Variants in CSMD1 observed in about 807,000 individuals in gnomAD.
CSMD1 encodes the protein CUB and Sushi multiple domains 1.
CSMD1 carries 213 observed loss-of-function variants against 417.5 expected under a neutral mutation model. The ratio of observed to expected loss-of-function variants is 0.51; its 90% CI spans 0.46 to 0.57. CSMD1 has a LOEUF of 0.57. Among genes scored for constraint, CSMD1 ranks in the 20% least tolerant of loss-of-function variants. CSMD1 has a pLI of 0.00. For synonymous variants in CSMD1, 2,862 were observed against 1,736.8 expected (o/e 1.65, Z -16.11); for missense variants, 6,923 against 4,529.7 (o/e 1.53, Z -15.17).
intron 5 of CSMD1, among the ~76,000 whole-genome samples, chr8:3,806,141 A>C (rs1800727037): frequency 6.6e-6 from 1 of 152,176 alleles, no homozygotes; most frequent in Non-Finnish European, 1.5e-5. Context: ...AAAACAGCAC[A>C]GTTCTGCCTG....
At chr8:3,847,833 G>A (rs1277026321) in intron 5 of CSMD1, among the ~76,000 whole-genome samples, 1 of 152,176 alleles carries the variant, frequency 6.6e-6, no homozygotes, top group Non-Finnish European at 1.5e-5. Flanking sequence ...CATCTTGACT[G>A]ATTTAGATGT....
intron 10 of CSMD1, among the ~76,000 whole-genome samples, chr8:3,546,493 G>T (rs1309411834): frequency 6.6e-6 from 1 of 151,148 alleles, no homozygotes; most frequent in Non-Finnish European, 1.5e-5. Flanking sequence ...TCAAGATCCT[G>T]CCACCGCACT....
intron 11 of CSMD1, among the ~76,000 whole-genome samples, chr8:3,485,245 A>C (rs935196575): frequency 6.6e-6 from 1 of 152,222 alleles, no homozygotes; most frequent in African/African-American, 2.4e-5. Flanking sequence ...AAACGATTGC[A>C]GTACACAAAG....
At chr8:3,233,075 A>G (rs1798936057) in intron 26 of CSMD1, among the ~76,000 whole-genome samples, 1 of 143,296 alleles carries the variant, frequency 7.0e-6, no homozygotes, top group African/African-American at 2.5e-5. Context: ...TTGTTTGCTT[A>G]TTATGTTTTC....
At chr8:4,196,776 T>C (rs1799364335) in intron 3 of CSMD1, among the ~76,000 whole-genome samples, 1 of 152,144 alleles carries the variant, frequency 6.6e-6, no homozygotes, top group African/African-American at 2.4e-5. Flanking sequence ...AACCCCTTTT[T>C]CCCATAAAGC....
At chr8:4,779,498 G>C (rs1797039196) in intron 1 of CSMD1, among the ~76,000 whole-genome samples, 1 of 152,014 alleles carries the variant, frequency 6.6e-6, no homozygotes. Context: ...CCTATGCAGA[G>C]TCCTAAACCC....
chr8:4,915,906 G>C (rs77215543), intron 1 of CSMD1, among the ~76,000 whole-genome samples: 3,869 of 152,288 alleles, frequency 0.025, 163 homozygotes, highest in African/African-American at 0.089. Context: ...GGCAGGAGTG[G>C]CTCTTCATGG....
rs140171114 is a variant in CSMD1 at position 4,293,124 on chromosome 8, C to T, written c.415+126829G>A. ...AGCAGGAGGGGGCTACCAGCATCGC[C>T]CTCTCAGTTTTGTCCCGCACCTGCC... On this transcript the variant is annotated intron_variant, in intron 3 of 69. Transcript: ENST00000635120. Among the ~76,000 whole-genome samples, 377 of 152,226 alleles carry T rather than the reference C, an allele frequency of 2.5e-3. 1 individual carries two copies. Among genetic ancestry groups the T allele is most frequent in the African/African-American group, 8.7e-3 (363 of 41,540 alleles).
intron 41 of CSMD1, among the ~76,000 whole-genome samples, chr8:3,140,136 T>G (rs1818346953): frequency 6.6e-6 from 1 of 152,304 alleles, no homozygotes; most frequent in South Asian, 2.1e-4. Flanking sequence ...ACTCCTGACC[T>G]CAGGTGATCA....
At chr8:3,199,308 TATA>T (rs1419421636) in intron 33 of CSMD1, among the ~76,000 whole-genome samples, 1 of 152,206 alleles carries the variant, frequency 6.6e-6, no homozygotes, top group Non-Finnish European at 1.5e-5. Flanking sequence ...GCTTAGTTTT[TATA>T]ATAAAATGTG....
At chr8:3,722,737 G>C (rs113806484) in intron 6 of CSMD1, among the ~76,000 whole-genome samples, 1,863 of 152,260 alleles carry the variant, frequency 0.012, 40 homozygotes, top group African/African-American at 0.039. Context: ...CTTGTCGTTA[G>C]GTTTTCTAAT....
chr8:3,983,095 C>G (rs2449818), intron 5 of CSMD1, among the ~76,000 whole-genome samples: 73,901 of 150,300 alleles, frequency 0.49, 18,379 homozygotes, highest in Admixed American at 0.54. Flanking sequence ...TGATGTAAAA[C>G]GCCTCAGACA....
chr8:3,176,592 A>G (rs764863522), intron 37 of CSMD1, among the ~76,000 whole-genome samples: 1 of 152,184 alleles, frequency 6.6e-6, no homozygotes, highest in Non-Finnish European at 1.5e-5. Context: ...AAACCCCGTG[A>G]ACTAGAACAA....
chr8:4,385,171 C>A (rs369117906), intron 3 of CSMD1, among the ~76,000 whole-genome samples: 560 of 5,838 alleles, frequency 0.096, 3 homozygotes, highest in African/African-American at 0.42. Context: ...AGGTGATCCT[C>A]CCCGTCTCGG....
At chr8:4,743,745 T>A (rs1810773393) in intron 1 of CSMD1, among the ~76,000 whole-genome samples, 1 of 152,214 alleles carries the variant, frequency 6.6e-6, no homozygotes, top group Non-Finnish European at 1.5e-5. Flanking sequence ...CTATAAATTT[T>A]AGGTACAGAC....
intron 6 of CSMD1, among the ~76,000 whole-genome samples, chr8:3,711,675 C>G (rs75015496): frequency 0.062 from 9,461 of 152,244 alleles, 396 homozygotes; most frequent in Non-Finnish European, 0.099. Context: ...TGCGGTTCTC[C>G]TGGTGGCACA....
chr8:4,250,566 T>C (rs937274451), intron 3 of CSMD1, among the ~76,000 whole-genome samples: 6 of 152,122 alleles, frequency 3.9e-5, no homozygotes, highest in Non-Finnish European at 7.4e-5. Flanking sequence ...GGAAAGCTAA[T>C]TTTCTTTTAA....
chr8:3,635,046 G>C (rs1170536717), intron 7 of CSMD1, among the ~76,000 whole-genome samples: 2 of 149,324 alleles, frequency 1.3e-5, no homozygotes, highest in East Asian at 4.0e-4. Context: ...ACTGTTTAAT[G>C]ATAAAAAAAA....
intron 8 of CSMD1, among the ~76,000 whole-genome samples, chr8:3,615,759 T>C (rs1052084780): frequency 6.6e-6 from 1 of 152,196 alleles, no homozygotes; most frequent in Non-Finnish European, 1.5e-5. Context: ...AACCTTTTTT[T>C]GGATTTTTTT....
Sources: gnomAD v4.1 joint callset for allele counts (sites outside exome capture counted in the v4.1 genomes callset) on GRCh38, gnomAD v4.1.1 for gene constraint, MANE v1.5 for transcripts, NCBI Gene and HGNC (gene_info 2026-07-23, HGNC 2026-07-21) for gene names.